The following SH3KBP1 variants were observed in gnomAD, a reference collection of about 807,000 sequenced individuals.
The protein encoded by SH3KBP1 is SH3 domain-containing kinase-binding protein 1.
Under a neutral mutation model 50.1 loss-of-function variants are expected in SH3KBP1, and 8 were observed. The observed-to-expected ratio is 0.16, with a 90% confidence interval of 0.09 to 0.29. The LOEUF is 0.29. SH3KBP1 is among the 10% of genes least tolerant of loss of function. SH3KBP1 has a pLI of 1.00. For synonymous variants in SH3KBP1, 227 were observed against 218.6 expected (o/e 1.04, Z -0.34); for missense variants, 377 against 535.2 (o/e 0.70, Z 2.92).
At chrX:19,682,583 G>C (rs1017926384) in intron 6 of SH3KBP1, among the ~76,000 whole-genome samples, 2 of 111,274 alleles carry the variant, frequency 1.8e-5, no homozygotes, top group Non-Finnish European at 3.8e-5. Flanking sequence ...TGCAACAGAA[G>C]TGAGCTCAAG....
At chrX:19,797,125 C>T (rs999492300) in intron 2 of SH3KBP1, among the ~76,000 whole-genome samples, 4 of 112,055 alleles carry the variant, frequency 3.6e-5, no homozygotes, top group Admixed American at 9.5e-5. Context: ...GGAGAGACAT[C>T]AAATACCAAG....
chrX:19,739,604 G>C (rs1285370782), intron 3 of SH3KBP1, among the ~76,000 whole-genome samples: 4 of 108,260 alleles, frequency 3.7e-5, no homozygotes, highest in Non-Finnish European at 7.6e-5. Context: ...CAATAATCCT[G>C]GTCCATAGGG....
At chrX:19,829,030 A>C (rs2147382842) in intron 2 of SH3KBP1, among the ~76,000 whole-genome samples, 1 of 111,588 alleles carries the variant, frequency 9.0e-6, no homozygotes, top group African/African-American at 3.3e-5. Flanking sequence ...ACAGAGAAAA[A>C]TCTACAGGTT....
intron 2 of SH3KBP1, among the ~76,000 whole-genome samples, chrX:19,787,725 C>A (rs765329109): frequency 9.0e-6 from 1 of 111,572 alleles, no homozygotes; most frequent in East Asian, 2.8e-4. Flanking sequence ...AAATTATGCT[C>A]AGCATAATTC....
At chrX:19,631,782 C>G (rs1190527284) in intron 8 of SH3KBP1, 82 bp downstream of exon 8, 1 of 538,544 alleles carries the variant, frequency 1.9e-6, no homozygotes, top group African/African-American at 2.4e-5. Flanking sequence ...AGCTTTCAAG[C>G]GCTGAAGCAA....
At chrX:19,582,024 C>A (rs1163841235) in intron 12 of SH3KBP1, among the ~76,000 whole-genome samples, 4 of 111,191 alleles carry the variant, frequency 3.6e-5, no homozygotes. Flanking sequence ...AGTCACTGGG[C>A]CTCCTACCCA....
chrX:19,784,439 G>A (rs778198333), intron 2 of SH3KBP1, among the ~76,000 whole-genome samples: 6 of 111,090 alleles, frequency 5.4e-5, no homozygotes, highest in Non-Finnish European at 9.4e-5. Context: ...AATCCAGAAT[G>A]TTATTTTAAG....
In SH3KBP1 at chrX:19,557,922, G is replaced by A. The variant is rs1222280830; in HGVS notation, c.1385-7839C>T. Among the ~76,000 whole-genome samples the A allele has an allele frequency of 3.6e-5, 4 of 111,883 alleles. No homozygotes were observed. In the East Asian group the frequency reaches 1.1e-3, roughly 31 times the overall value. ...GGTGAAATTAGCAATGATAGCATGG[G>A]GACCCAATTTAGATCAGAGAAAGGG... is the stretch of plus-strand genomic sequence containing the variant. On this transcript the variant is annotated intron_variant, in intron 13 of 17. Coordinates refer to ENST00000397821, the MANE Select transcript of SH3KBP1 (RefSeq NM_031892.3).
At chrX:19,650,269 C>G (rs890864219) in intron 6 of SH3KBP1, among the ~76,000 whole-genome samples, 8 of 112,358 alleles carry the variant, frequency 7.1e-5, no homozygotes, top group Non-Finnish European at 5.6e-5. Context: ...AAAGTTATGC[C>G]TGAGACTGGG....
At chrX:19,554,187 A>AATATATATCATATTAAAAT (rs2065384632) in intron 13 of SH3KBP1, among the ~76,000 whole-genome samples, 1 of 66,116 alleles carries the variant, frequency 1.5e-5, no homozygotes, top group African/African-American at 6.0e-5. Context: ...ATTAAAATAT[A>AATATATATCATATTAAAAT]ATATTATATA....
intron 3 of SH3KBP1, among the ~76,000 whole-genome samples, chrX:19,711,527 A>T (rs1423783161): frequency 1.8e-5 from 2 of 111,491 alleles, no homozygotes; most frequent in Non-Finnish European, 3.8e-5. Context: ...CAAATAATGT[A>T]TTGGATGAAA....
At chrX:19,766,727 G>A (rs184349672) in intron 2 of SH3KBP1, among the ~76,000 whole-genome samples, 4 of 109,012 alleles carry the variant, frequency 3.7e-5, no homozygotes, top group Non-Finnish European at 7.6e-5. Context: ...TCCTTACCTC[G>A]TGATCCACCC....
intron 12 of SH3KBP1, among the ~76,000 whole-genome samples, chrX:19,579,808 C>T (rs941539577): frequency 4.5e-5 from 5 of 112,030 alleles, no homozygotes; most frequent in African/African-American, 6.5e-5. Flanking sequence ...GCTGGCCTTC[C>T]CTGGGTCCTG....
intron 7 of SH3KBP1, among the ~76,000 whole-genome samples, chrX:19,638,302 AG>A (rs1329021650): frequency 9.6e-6 from 1 of 103,687 alleles, no homozygotes; most frequent in African/African-American, 3.6e-5. Context: ...CCCAGCTACT[AG>A]GGAGGCTGAG....
At chrX:19,804,455 C>T (rs1255131977) in intron 2 of SH3KBP1, among the ~76,000 whole-genome samples, 1 of 110,755 alleles carries the variant, frequency 9.0e-6, no homozygotes, top group Non-Finnish European at 1.9e-5. Context: ...AGTGAGTTCC[C>T]TTCCAAGATG....
chrX:19,615,917 C>CTT (rs778419717), intron 8 of SH3KBP1, among the ~76,000 whole-genome samples: 7 of 96,699 alleles, frequency 7.2e-5, no homozygotes, highest in Admixed American at 1.1e-4. Flanking sequence ...CAGTCATTCA[C>CTT]TTTTTTTTTT....
chrX:19,730,000 C>T (rs2064328139), intron 3 of SH3KBP1, among the ~76,000 whole-genome samples: 1 of 111,052 alleles, frequency 9.0e-6, no homozygotes, highest in Non-Finnish European at 1.9e-5. Context: ...AGTAACTGAG[C>T]GATTTTTTTT....
intron 3 of SH3KBP1, among the ~76,000 whole-genome samples, chrX:19,722,129 C>G (rs1286138417): frequency 8.9e-6 from 1 of 112,424 alleles, no homozygotes; most frequent in African/African-American, 3.2e-5. Flanking sequence ...AGTAACACAT[C>G]ATAACAAAAG....
chrX:19,847,240 T>C (rs1443422170), intron 1 of SH3KBP1, among the ~76,000 whole-genome samples: 1 of 111,800 alleles, frequency 8.9e-6, no homozygotes, highest in Non-Finnish European at 1.9e-5. Context: ...GCTTCATTTA[T>C]ACTCCCAGGT....
Sources: allele counts gnomAD v4.1 joint callset (sites outside exome capture counted in the v4.1 genomes callset), GRCh38; gene constraint gnomAD v4.1.1; transcripts MANE v1.5; gene names NCBI Gene and HGNC (gene_info 2026-07-23, HGNC 2026-07-21).